ADAR: variants seen among roughly 807,000 people sequenced by gnomAD.
ADAR encodes the protein adenosine deaminase RNA specific.
A neutral mutation model predicts 113.2 loss-of-function variants in ADAR; 41 were observed. The observed-to-expected ratio is 0.36, with a 90% CI of 0.28 to 0.47. The LOEUF (loss-of-function observed/expected upper bound fraction) is 0.47, where lower values mean the gene tolerates loss of function less well. Among genes scored for constraint, ADAR ranks in the 20% least tolerant of loss-of-function variants. ADAR has a pLI of 1.00. For synonymous variants in ADAR, 605 were observed against 572.6 expected (o/e 1.06, Z -0.81); for missense variants, 1,242 against 1,540.9 (o/e 0.81, Z 3.25).
At chr1:154,611,991 C>T (rs1039557154), upstream of ADAR, among the ~76,000 whole-genome samples, 1 of 152,188 alleles carries the variant, frequency 6.6e-6, no homozygotes, top group Admixed American at 6.5e-5. Context: ...CCCTGCTATT[C>T]TTGCTTTTTA....
chr1:154,591,652 C>T (rs1697155413), intron 6 of ADAR, among the ~76,000 whole-genome samples: 1 of 152,256 alleles, frequency 6.6e-6, no homozygotes. Context: ...TAGCTTTCAA[C>T]CAGATCCTAA....
At chr1:154,600,640 AT>A (rs1449950377) in intron 2 of ADAR, 2 of 272,806 alleles carry the variant, frequency 7.3e-6, no homozygotes, top group Non-Finnish European at 1.4e-5. Context: ...CGCCCAGCTA[AT>A]TTTTGTATTT....
intron 1 of ADAR, among the ~76,000 whole-genome samples, chr1:154,620,620 A>C (rs1698765149): frequency 6.6e-6 from 1 of 152,216 alleles, no homozygotes; most frequent in Non-Finnish European, 1.5e-5. Flanking sequence ...TCCTCACTGA[A>C]AGAAGCCACA....
chr1:154,584,213 C>T lies in ADAR; in HGVS notation c.*593G>A, dbSNP rs1696591839. 6.5e-6 allele frequency: 1 copy of T among 152,768 alleles called. No homozygotes were observed. The highest frequency in any genetic ancestry group is 1.5e-5 in the Non-Finnish European group (1 of 68,450). The allele number at this position is 152,768 out of a possible 1,614,324, so 9.5% of individuals were successfully genotyped here. On this transcript the variant is annotated 3_prime_UTR_variant, in exon 15 of 15. Transcript: ENST00000368474. ...GCATTATCTGCAGGCTCCAATCACA[C>T]TTCCGTGGCACTGGGAACTGCAGTT...
At chr1:154,602,752 T>A in intron 1 of ADAR, 126 bp from the exon 2 acceptor site, 2 of 1,225,014 alleles carry the variant, frequency 1.6e-6, no homozygotes, top group Non-Finnish European at 2.3e-6. Flanking sequence ...AGCCATGGGC[T>A]TATGACTTGG....
At chr1:154,604,663 T>G (rs1698083573) in intron 1 of ADAR, among the ~76,000 whole-genome samples, 1 of 152,206 alleles carries the variant, frequency 6.6e-6, no homozygotes, top group Non-Finnish European at 1.5e-5. Context: ...TTCACCTCTT[T>G]TTTCTTCTTT....
At chr1:154,588,083 A>G (rs903720970) in intron 11 of ADAR, 42 bp downstream of exon 11, 2 of 1,611,584 alleles carry the variant, frequency 1.2e-6, no homozygotes, top group Non-Finnish European at 1.7e-6. Flanking sequence ...TGGACCTTGC[A>G]GAGCCTTTTG....
chr1:154,585,540 A>G, intron 13 of ADAR, 196 bp from the exon 14 acceptor site: 1 of 926,426 alleles, frequency 1.1e-6, no homozygotes. Flanking sequence ...TTCCAGACTA[A>G]GAGAAGAAAA....
intron 1 of ADAR, chr1:154,627,839 G>A (rs779920855): frequency 3.9e-6 from 2 of 517,180 alleles, no homozygotes; most frequent in African/African-American, 3.9e-5. Context: ...TAGCCGAGAA[G>A]GACAGAGGCT....
At chr1:154,585,441 G>A (rs1161056240) in intron 13 of ADAR, 97 bp from the exon 14 acceptor site, 4 of 1,566,278 alleles carry the variant, frequency 2.6e-6, no homozygotes, top group African/African-American at 1.4e-5. Context: ...GGAAGTGTGG[G>A]GTCATGATCT....
intron 2 of ADAR, chr1:154,600,611 C>T (rs898735677): frequency 4.0e-6 from 1 of 249,718 alleles, no homozygotes; most frequent in Admixed American, 5.1e-5. Context: ...GTAGCTGGGA[C>T]TACAGGTGCA....
chr1:154,601,421 T>C lies in ADAR; in HGVS notation c.1221A>G (p.Glu407=). 1 of 1,614,226 alleles carries C rather than the reference T, an allele frequency of 6.2e-7. No individual in the cohort carries two copies. ...SNASNNMVTT[E]KVENGQEPVI... ...CAGGTTCCTGCCCATTCTCCACTTTTTCTGTGGTTACCATGTTATTTGAGG... is the reference window on the plus strand; with the variant it reads ...CAGGTTCCTGCCCATTCTCCACTTTCTCTGTGGTTACCATGTTATTTGAGG... Residue 407 remains glutamate, a synonymous_variant, in exon 2 of 15, where the codon GAA becomes GAG. Transcript: ENST00000368474. This position sits in a 1 kb window ranked among gnomAD's most constrained non-coding sequence, Gnocchi z 4.7.
chr1:154,620,833 C>T (rs1698772890), intron 1 of ADAR, among the ~76,000 whole-genome samples: 1 of 151,990 alleles, frequency 6.6e-6, no homozygotes, highest in Non-Finnish European at 1.5e-5. Context: ...TTGAAAGGTA[C>T]ACATAAAATC....
Position 154,586,205 on chromosome 1 carries a change from T to C in ADAR, c.3178A>G (p.Ile1060Val). The C allele has an allele frequency of 6.2e-7, 1 of 1,614,170 alleles. No individual in the cohort carries two copies. The highest frequency in any genetic ancestry group is 1.1e-5 in the South Asian group (1 of 91,078). The stretch of plus-strand genomic sequence containing the variant: ...CCCAATGTGACAGATTTGAGATAAA[T>C]GGGCTGCAGGAAGTGGGTCAACAGT... ...GALLTHFLQP[I>V]YLKSVTLGYL... Residue 1060 changes from isoleucine to valine, a missense_variant, in exon 12 of 15, where the codon ATT (isoleucine) becomes GTT (valine). By Grantham distance (29) the Ile-to-Val change is conservative. This residue lies in a region of ADAR where 780 missense variants were observed against 1,057.9 expected (regional missense o/e 0.74). Coordinates refer to ENST00000368474, the MANE Select transcript of ADAR (RefSeq NM_001111.5).
intron 1 of ADAR, among the ~76,000 whole-genome samples, chr1:154,618,280 G>T (rs1176287203): frequency 6.6e-6 from 1 of 151,934 alleles, no homozygotes; most frequent in Non-Finnish European, 1.5e-5. Flanking sequence ...ACAAAACTCT[G>T]CTGAGGAATA....
chr1:154,621,585 A>G (rs1436161378), intron 1 of ADAR, among the ~76,000 whole-genome samples: 1 of 152,268 alleles, frequency 6.6e-6, no homozygotes, highest in Non-Finnish European at 1.5e-5. Context: ...AAAAGTAGAA[A>G]TAAAAATGGC....
At chr1:154,594,284 CAT>C (rs758643561) in intron 6 of ADAR, among the ~76,000 whole-genome samples, 8 of 152,188 alleles carry the variant, frequency 5.3e-5, no homozygotes, top group South Asian at 2.1e-4. Flanking sequence ...GGATGCCAAA[CAT>C]GTGAAAATTC....
At chr1:154,627,913 G>GCCCCCCCCCCCCCCCCCCCCCCCCC in exon 1 of ADAR, 1 of 517,170 alleles carries the variant, frequency 1.9e-6, no homozygotes, top group Middle Eastern at 3.5e-4. Flanking sequence ...GTGCGGCCGC[G>GCCCCCCCCCCCCCCCCCCCCCCCCC]ACCCTCCCCC....
upstream of ADAR, among the ~76,000 whole-genome samples, chr1:154,610,956 T>C (rs1231698159): frequency 2.0e-5 from 3 of 152,156 alleles, no homozygotes; most frequent in Non-Finnish European, 4.4e-5. Flanking sequence ...CTACATATGT[T>C]TGCTTTCCAA....
Sources: gnomAD v4.1 joint callset for allele counts (sites outside exome capture counted in the v4.1 genomes callset) on GRCh38, gnomAD v4.1.1 for gene constraint, gnomAD v4.1.1 regional missense constraint, Gnocchi (gnomAD v3.1) non-coding constraint, MANE v1.5 for transcripts, NCBI Gene and HGNC (gene_info 2026-07-23, HGNC 2026-07-21) for gene names.